Variants in CAP2 observed in about 807,000 individuals in gnomAD.
CAP2 encodes cyclase associated actin cytoskeleton regulatory protein 2.
CAP2 carries 24 observed loss-of-function variants against 57.7 expected under a neutral mutation model. That is an observed-to-expected ratio of 0.42 (90% confidence interval 0.30 to 0.58). The LOEUF (loss-of-function observed/expected upper bound fraction) is 0.58, where lower values mean the gene tolerates loss of function less well. CAP2 is among the 20% of genes least tolerant of loss of function. CAP2 has a pLI of 0.22. For synonymous variants in CAP2, 194 were observed against 207.2 expected (o/e 0.94, Z 0.55); for missense variants, 501 against 590.3 (o/e 0.85, Z 1.57).
chr6:17,489,302 C>T (rs141503229), intron 4 of CAP2, among the ~76,000 whole-genome samples: 2 of 152,212 alleles, frequency 1.3e-5, no homozygotes, highest in African/African-American at 4.8e-5. Flanking sequence ...TGTGGTGGCA[C>T]GCGCCTATAA....
At chr6:17,471,809 C>A (rs1761026915) in intron 4 of CAP2, among the ~76,000 whole-genome samples, 1 of 144,778 alleles carries the variant, frequency 6.9e-6, no homozygotes, top group Non-Finnish European at 1.5e-5. Context: ...CCAGCCTGGG[C>A]AACAGAGCCA....
intron 7 of CAP2, among the ~76,000 whole-genome samples, chr6:17,529,210 T>G (rs1343009388): frequency 2.0e-5 from 3 of 152,212 alleles, no homozygotes; most frequent in Non-Finnish European, 4.4e-5. Context: ...CTAATAAAAG[T>G]GTGCTATAAA....
intron 1 of CAP2, among the ~76,000 whole-genome samples, chr6:17,413,718 T>C (rs1358951931): frequency 6.6e-6 from 1 of 152,148 alleles, no homozygotes; most frequent in Non-Finnish European, 1.5e-5. Flanking sequence ...GGTAGTTTCC[T>C]GGGAAATAAA....
At chr6:17,452,244 G>C (rs1760424882) in intron 3 of CAP2, among the ~76,000 whole-genome samples, 1 of 152,204 alleles carries the variant, frequency 6.6e-6, no homozygotes, top group Admixed American at 6.5e-5. Context: ...GGCAATTTCA[G>C]ATTCAACCAC....
intron 3 of CAP2, among the ~76,000 whole-genome samples, chr6:17,437,196 G>C (rs1434156556): frequency 6.6e-6 from 1 of 152,124 alleles, no homozygotes; most frequent in Non-Finnish European, 1.5e-5. Flanking sequence ...CCATCCTCCT[G>C]CTCTGTCTGT....
intron 4 of CAP2, among the ~76,000 whole-genome samples, chr6:17,501,480 AAAAG>A (rs2113649333): frequency 6.6e-6 from 1 of 152,326 alleles, no homozygotes; most frequent in East Asian, 1.9e-4. Flanking sequence ...AAATTCGTTA[AAAAG>A]AAGTAACAAT....
At chr6:17,476,932 C>T (rs894278538) in intron 4 of CAP2, among the ~76,000 whole-genome samples, 9 of 138,422 alleles carry the variant, frequency 6.5e-5, no homozygotes, top group Non-Finnish European at 9.0e-5. Flanking sequence ...AGTGCAGTGG[C>T]GCAATCTCGG....
At chr6:17,415,603 C>G (rs1462336034) in intron 1 of CAP2, among the ~76,000 whole-genome samples, 1 of 152,166 alleles carries the variant, frequency 6.6e-6, no homozygotes, top group Non-Finnish European at 1.5e-5. Context: ...TTATAGTTCT[C>G]TAGGTATAGG....
At chr6:17,413,984 G>A (rs1238914137) in intron 1 of CAP2, among the ~76,000 whole-genome samples, 3 of 151,954 alleles carry the variant, frequency 2.0e-5, no homozygotes, top group Admixed American at 6.6e-5. Flanking sequence ...AACCCAGGAG[G>A]CGGAGATTGC....
In CAP2 at chr6:17,407,799, A is replaced by G. The variant is rs1759022349; in HGVS notation, c.-1-13756A>G. Among the ~76,000 whole-genome samples the G allele has an allele frequency of 2.6e-5, 4 of 151,516 alleles. No homozygotes were observed. The South Asian group carries it at 8.3e-4, about 32-fold the overall frequency. Reference sequence around the variant, plus strand: ...GTCTCAAAAAAAAAAAAAAAAAAAAAAAATCAAAGTCAAGTGTGAAAGTAG... The same window carrying G: ...GTCTCAAAAAAAAAAAAAAAAAAAAGAAATCAAAGTCAAGTGTGAAAGTAG... On this transcript the variant is annotated intron_variant, in intron 1 of 12. Transcript: ENST00000229922.
At chr6:17,452,855 T>G (rs1276339016) in intron 3 of CAP2, among the ~76,000 whole-genome samples, 2 of 152,096 alleles carry the variant, frequency 1.3e-5, no homozygotes, top group Non-Finnish European at 2.9e-5. Context: ...TCACCCGTAG[T>G]CTCCCTACAT....
chr6:17,535,447 G>A (rs1762752123), intron 7 of CAP2, among the ~76,000 whole-genome samples: 1 of 151,892 alleles, frequency 6.6e-6, no homozygotes, highest in Non-Finnish European at 1.5e-5. Context: ...GCTAATTTTT[G>A]TATTTTTGGT....
At chr6:17,521,543 T>C (rs1205830079) in intron 7 of CAP2, among the ~76,000 whole-genome samples, 1 of 152,212 alleles carries the variant, frequency 6.6e-6, no homozygotes, top group Non-Finnish European at 1.5e-5. Context: ...CCAATATGGC[T>C]TAAGCATCTA....
intron 4 of CAP2, among the ~76,000 whole-genome samples, chr6:17,505,242 A>G (rs904900948): frequency 6.6e-6 from 1 of 152,210 alleles, no homozygotes; most frequent in Non-Finnish European, 1.5e-5. Context: ...AGGCCATTCT[A>G]ATTCCAAAGC....
chr6:17,464,171 T>A (rs1760802298), intron 4 of CAP2, among the ~76,000 whole-genome samples: 1 of 152,212 alleles, frequency 6.6e-6, no homozygotes, highest in African/African-American at 2.4e-5. Flanking sequence ...GTGTCACGAA[T>A]GAAATTATTC....
At chr6:17,501,670 C>T (rs1486697506) in intron 4 of CAP2, among the ~76,000 whole-genome samples, 1 of 152,140 alleles carries the variant, frequency 6.6e-6, no homozygotes, top group Non-Finnish European at 1.5e-5. Flanking sequence ...GGTAAAGTTT[C>T]TACAAAGCTT....
At chr6:17,419,826 G>T (rs1759386398) in intron 1 of CAP2, among the ~76,000 whole-genome samples, 1 of 151,772 alleles carries the variant, frequency 6.6e-6, no homozygotes, top group Non-Finnish European at 1.5e-5. Context: ...TAGGATTACA[G>T]GTGCCCGCCA....
In CAP2 at chr6:17,541,003, C is replaced by T. The variant is rs766062521; in HGVS notation, c.857C>T (p.Thr286Ile). 95 of 1,613,888 alleles carry T rather than the reference C, an allele frequency of 5.9e-5. No individual in the cohort carries two copies. Among genetic ancestry groups the T allele is most frequent in the Non-Finnish European group, 8.0e-5 (94 of 1,179,912 alleles). ...GLRHVTDDQKTYKNPSLRAQG... is the reference protein window; with the variant it reads ...GLRHVTDDQKIYKNPSLRAQG... Reference sequence around the variant, plus strand: ...CGCCATGTCACAGATGACCAGAAGACATACAAAAATCCCAGCCTGCGGGCT... The same window carrying T: ...CGCCATGTCACAGATGACCAGAAGATATACAAAAATCCCAGCCTGCGGGCT... Residue 286 changes from threonine (T) to isoleucine (I), a missense_variant, in exon 9 of 13, where the codon ACA (threonine) becomes ATA (isoleucine). By Grantham distance (89) the Thr-to-Ile change is moderately conservative. Transcript: ENST00000229922.
intron 7 of CAP2, among the ~76,000 whole-genome samples, chr6:17,527,597 C>CTT (rs10668941): frequency 0.2 from 25,697 of 131,006 alleles, 2,831 homozygotes; most frequent in South Asian, 0.28. Flanking sequence ...TGTTCTCTTT[C>CTT]TTTTTTTTTT....
Sources: allele counts gnomAD v4.1 joint callset (sites outside exome capture counted in the v4.1 genomes callset), GRCh38; gene constraint gnomAD v4.1.1; transcripts MANE v1.5; gene names NCBI Gene and HGNC (gene_info 2026-07-23, HGNC 2026-07-21).